Variants in MARCHF1 observed in about 807,000 individuals in gnomAD.
The protein encoded by MARCHF1 is membrane associated ring-CH-type finger 1.
In MARCHF1, 40 loss-of-function variants were observed where a neutral mutation model predicts 54.2. The ratio of observed to expected loss-of-function variants is 0.74; its 90% confidence interval spans 0.57 to 0.96. The LOEUF is 0.96. Ranked by LOEUF, MARCHF1 falls within the 40% of genes least tolerant of loss-of-function variation. The probability of loss-of-function intolerance (pLI) is 0.00; values close to 1 mark genes in which losing one functional copy is unlikely to be tolerated. For synonymous variants in MARCHF1, 236 were observed against 236.3 expected (o/e 1.00, Z 0.01); for missense variants, 586 against 656.5 (o/e 0.89, Z 1.17).
intron 3 of MARCHF1, among the ~76,000 whole-genome samples, chr4:163,879,698 GA>G (rs36189199): frequency 0.39 from 59,406 of 151,704 alleles, 12,725 homozygotes; most frequent in Middle Eastern, 0.55. Context: ...TAAGATTACT[GA>G]AAAAAAGTCA....
intron 2 of MARCHF1, among the ~76,000 whole-genome samples, chr4:164,049,770 C>T (rs1399799945): frequency 6.6e-6 from 1 of 152,204 alleles, no homozygotes; most frequent in Non-Finnish European, 1.5e-5. Context: ...CATGTATACA[C>T]ACACATTTGA....
chr4:164,186,641 T>C (rs1730978019), intron 1 of MARCHF1, among the ~76,000 whole-genome samples: 1 of 152,202 alleles, frequency 6.6e-6, no homozygotes. Context: ...GATCTGTCTT[T>C]CTGTACTTTC....
chr4:164,376,682 G>A (rs746355277), intron 1 of MARCHF1, among the ~76,000 whole-genome samples: 4 of 152,184 alleles, frequency 2.6e-5, no homozygotes, highest in Admixed American at 6.5e-5. Context: ...CCATGGTGGT[G>A]TTAGCTCCTC....
At chr4:164,246,864 T>C (rs1190588930) in intron 1 of MARCHF1, among the ~76,000 whole-genome samples, 1 of 129,912 alleles carries the variant, frequency 7.7e-6, no homozygotes, top group Non-Finnish European at 1.6e-5. Context: ...AAAATGCTCA[T>C]CATCCTGGCC....
intron 2 of MARCHF1, among the ~76,000 whole-genome samples, chr4:164,019,128 C>T (rs1010885841): frequency 4.6e-5 from 7 of 152,114 alleles, no homozygotes; most frequent in African/African-American, 1.7e-4. Flanking sequence ...ATGAAGAGTG[C>T]CAGGTGAGTG....
intron 1 of MARCHF1, among the ~76,000 whole-genome samples, chr4:164,246,341 G>A (rs1303324281): frequency 2.3e-5 from 1 of 43,620 alleles, no homozygotes; most frequent in African/African-American, 5.6e-5. Flanking sequence ...ACAAAAACAA[G>A]CAATGGGGAA....
intron 3 of MARCHF1, among the ~76,000 whole-genome samples, chr4:163,897,830 G>A (rs1750844862): frequency 6.6e-6 from 1 of 152,008 alleles, no homozygotes; most frequent in Admixed American, 6.5e-5. Flanking sequence ...GCCGAGGCGG[G>A]TGGATCACGA....
At chr4:163,563,665 G>A (rs1490750861) in intron 8 of MARCHF1, among the ~76,000 whole-genome samples, 1 of 152,156 alleles carries the variant, frequency 6.6e-6, no homozygotes, top group East Asian at 1.9e-4. Flanking sequence ...GTCTGTCTAA[G>A]CCTCAGTTTT....
chr4:163,946,591 T>C (rs1752031100), intron 3 of MARCHF1, among the ~76,000 whole-genome samples: 1 of 152,222 alleles, frequency 6.6e-6, no homozygotes. Context: ...GAAATTAGTT[T>C]ATGTGACTAT....
intron 1 of MARCHF1, among the ~76,000 whole-genome samples, chr4:164,144,048 C>T (rs1729588121): frequency 1.3e-5 from 2 of 152,080 alleles, no homozygotes; most frequent in South Asian, 4.1e-4. Context: ...AGGCTTTAAA[C>T]CAACAAAGAT....
chr4:163,847,524 T>C (rs1749518902), intron 4 of MARCHF1, among the ~76,000 whole-genome samples: 1 of 151,276 alleles, frequency 6.6e-6, no homozygotes, highest in South Asian at 2.1e-4. Context: ...TTTTTTTTCA[T>C]TTGATCTTTT....
At chr4:163,992,146 G>C (rs953791461) in intron 2 of MARCHF1, among the ~76,000 whole-genome samples, 2 of 149,200 alleles carry the variant, frequency 1.3e-5, no homozygotes, top group African/African-American at 4.9e-5. Context: ...CCAGTGTTGG[G>C]CCAAGACAAG....
At chr4:164,029,992 TA>T (rs1186644064) in intron 2 of MARCHF1, among the ~76,000 whole-genome samples, 2 of 152,156 alleles carry the variant, frequency 1.3e-5, no homozygotes, top group African/African-American at 4.8e-5. Flanking sequence ...AATTTGCAAG[TA>T]AAAAATTGAC....
chr4:163,637,914 T>TA (rs1742401187), intron 5 of MARCHF1, among the ~76,000 whole-genome samples: 1 of 150,806 alleles, frequency 6.6e-6, no homozygotes, highest in Non-Finnish European at 1.5e-5. Flanking sequence ...TATGCAGCCA[T>TA]AAAAATGATG....
chr4:164,340,751 T>A (rs1044719726), intron 1 of MARCHF1, among the ~76,000 whole-genome samples: 1 of 151,318 alleles, frequency 6.6e-6, no homozygotes, highest in Non-Finnish European at 1.5e-5. Context: ...TAGAGACAGG[T>A]TTCACCATGT....
chr4:163,893,161 A>T (rs1402500791), intron 3 of MARCHF1, among the ~76,000 whole-genome samples: 1 of 151,248 alleles, frequency 6.6e-6, no homozygotes, highest in African/African-American at 2.4e-5. Context: ...TTTTTTTGAG[A>T]TGGAGTCTCA....
intron 5 of MARCHF1, among the ~76,000 whole-genome samples, chr4:163,623,963 C>T (rs1039350788): frequency 2.6e-5 from 4 of 152,070 alleles, no homozygotes; most frequent in Admixed American, 6.6e-5. Flanking sequence ...AGATCACTCA[C>T]GATCAGGCAT....
intron 1 of MARCHF1, among the ~76,000 whole-genome samples, chr4:164,211,629 A>C (rs548350001): frequency 7.9e-5 from 12 of 152,194 alleles, no homozygotes; most frequent in African/African-American, 2.9e-4. Context: ...TATCCTGGGT[A>C]CTAGAACTGT....
intron 3 of MARCHF1, among the ~76,000 whole-genome samples, chr4:163,941,126 G>A (rs1369034233): frequency 6.6e-6 from 1 of 152,062 alleles, no homozygotes; most frequent in East Asian, 1.9e-4. Flanking sequence ...ATGTATCCTT[G>A]AGAGGGTAAC....
Sources: gnomAD v4.1 joint callset for allele counts (sites outside exome capture counted in the v4.1 genomes callset) on GRCh38, gnomAD v4.1.1 for gene constraint, MANE v1.5 for transcripts, NCBI Gene and HGNC (gene_info 2026-07-23, HGNC 2026-07-21) for gene names.